SLC2A13: variants seen among roughly 807,000 people sequenced by gnomAD.
SLC2A13 encodes the protein proton myo-inositol cotransporter.
SLC2A13 carries 32 observed loss-of-function variants against 64.4 expected under a neutral mutation model. The ratio of observed to expected loss-of-function variants is 0.50; its 90% CI spans 0.37 to 0.67. SLC2A13 has a LOEUF of 0.67. Among genes scored for constraint, SLC2A13 ranks in the 30% least tolerant of loss-of-function variants. SLC2A13 has a pLI of 0.00. For synonymous variants in SLC2A13, 338 were observed against 327.1 expected, an observed-to-expected ratio of 1.03 and a Z score of -0.36; for missense variants, 743 against 829.2, an observed-to-expected ratio of 0.90 and a Z score of 1.28.
intron 6 of SLC2A13, among the ~76,000 whole-genome samples, chr12:39,852,544 T>C (rs1042098379): frequency 1.3e-5 from 2 of 152,204 alleles, no homozygotes; most frequent in African/African-American, 4.8e-5. Context: ...GTACCAATCA[T>C]TTTTTCTTGG....
intron 4 of SLC2A13, among the ~76,000 whole-genome samples, chr12:39,875,917 G>A (rs532565901): frequency 6.6e-6 from 1 of 152,282 alleles, no homozygotes; most frequent in African/African-American, 2.4e-5. Context: ...TCAAGGGACT[G>A]TATTCATTCA....
Position 39,775,891 on chromosome 12 carries a change from C to G in SLC2A13, c.1446-11033G>C, listed in dbSNP as rs1027493125. Among the ~76,000 whole-genome samples, 4 of 152,216 alleles carry G rather than the reference C, an allele frequency of 2.6e-5. No homozygotes were observed. In the East Asian group the frequency reaches 7.7e-4, roughly 29 times the overall value. ...ATTTTCATTATGCTTACTGGTTGAG[C>G]ACCCCTAATCTGAAATCCAAAATGC... On this transcript the variant is annotated intron_variant, in intron 7 of 9. Transcript: ENST00000280871.
intron 1 of SLC2A13, among the ~76,000 whole-genome samples, chr12:40,048,869 CT>C (rs1386964577): frequency 6.6e-6 from 1 of 152,052 alleles, no homozygotes; most frequent in Non-Finnish European, 1.5e-5. Context: ...ACTCATGTGA[CT>C]TTTTTCTTTA....
At chr12:39,857,039 G>A (rs1943627734) in intron 6 of SLC2A13, among the ~76,000 whole-genome samples, 1 of 152,144 alleles carries the variant, frequency 6.6e-6, no homozygotes, top group Non-Finnish European at 1.5e-5. Context: ...CTTGAAACAG[G>A]AATAAAACTC....
intron 3 of SLC2A13, among the ~76,000 whole-genome samples, chr12:40,013,977 T>C (rs1429661105): frequency 6.6e-6 from 1 of 152,238 alleles, no homozygotes; most frequent in Admixed American, 6.5e-5. Flanking sequence ...TATATGTATA[T>C]GTTATTTGTA....
At chr12:39,962,326 G>T (rs1946428542) in intron 3 of SLC2A13, among the ~76,000 whole-genome samples, 1 of 152,046 alleles carries the variant, frequency 6.6e-6, no homozygotes, top group African/African-American at 2.4e-5. Context: ...CCTAACCTCA[G>T]GTGATACGCC....
In SLC2A13 at chr12:40,028,504, A is replaced by T; in HGVS notation, c.722T>A (p.Met241Lys). The T allele has an allele frequency of 6.2e-7, 1 of 1,613,074 alleles. No homozygotes were observed. The highest frequency in any genetic ancestry group is 8.5e-7 in the Non-Finnish European group (1 of 1,179,696). ...CGCCGGAACTGCTGCAAGTCCCAAC[A>T]TGTACCTGCAAAGAAAAAAAATCCA... ...SYLQKDGWRY[M>K]LGLAAVPAVI... The change falls in exon 3 of 10, where the codon ATG becomes AAG. Residue 241 changes from methionine (M) to lysine (K), a missense_variant. Physicochemically the swap from Met to Lys is moderately conservative, Grantham distance 95. Transcript: ENST00000280871.
Position 40,106,047 on chromosome 12 carries a change from C to T in SLC2A13, c.-239G>A. 1 of 379,422 alleles carries T rather than the reference C, an allele frequency of 2.6e-6. No individual in the cohort carries two copies. The highest frequency in any genetic ancestry group is 4.5e-6 in the Non-Finnish European group (1 of 220,942). 23.5% of individuals were successfully genotyped at this position (379,422 alleles called of 1,614,324 possible). A position where few individuals can be genotyped will look rare whatever the true frequency, so the allele number is the denominator to read the frequency against. On this transcript the variant is annotated 5_prime_UTR_variant, in exon 1 of 10. Transcript: ENST00000280871. The stretch of plus-strand genomic sequence containing the variant: ...CGGCGGGTCTCACTCCACACTCACG[C>T]CCCGCGCCTGCCGAGCTGGCGCTGC...
At chr12:39,806,790 A>T (rs907705288) in intron 7 of SLC2A13, among the ~76,000 whole-genome samples, 3 of 152,236 alleles carry the variant, frequency 2.0e-5, no homozygotes, top group African/African-American at 7.2e-5. Flanking sequence ...AAGACAGTCG[A>T]AAATAAATTT....
intron 1 of SLC2A13, among the ~76,000 whole-genome samples, chr12:40,067,604 C>A (rs1937784232): frequency 1.3e-5 from 2 of 152,068 alleles, no homozygotes; most frequent in Admixed American, 6.6e-5. Flanking sequence ...TAATATCATT[C>A]TGCTGTCTCC....
intron 1 of SLC2A13, among the ~76,000 whole-genome samples, chr12:40,069,163 T>C (rs1937859592): frequency 6.6e-6 from 1 of 151,942 alleles, no homozygotes; most frequent in African/African-American, 2.4e-5. Flanking sequence ...TCTGTTGAAA[T>C]GAAGGAGTGA....
Position 39,998,226 on chromosome 12 carries a change from C to A in SLC2A13, c.925+30075G>T, listed in dbSNP as rs150617438. On this transcript the variant is annotated intron_variant, in intron 3 of 9. Transcript: ENST00000280871. ...TAAAAAGGAATAAATTAGTGGCATT[C>A]ACAGCAACCTGCAGGAGACTGGAAA... Among the ~76,000 whole-genome samples, 655 of 152,254 alleles carry A rather than the reference C, an allele frequency of 4.3e-3. 8 individuals are homozygous for A. Among genetic ancestry groups the A allele is most frequent in the African/African-American group, 0.015 (619 of 41,544 alleles).
chr12:39,997,417 A>T (rs1002818990), intron 3 of SLC2A13, among the ~76,000 whole-genome samples: 3 of 152,108 alleles, frequency 2.0e-5, no homozygotes, highest in African/African-American at 7.2e-5. Context: ...ACCTAAGACA[A>T]TTCTCAAAAG....
intron 3 of SLC2A13, among the ~76,000 whole-genome samples, chr12:39,968,044 T>C (rs1383040066): frequency 6.6e-6 from 1 of 152,298 alleles, no homozygotes; most frequent in Non-Finnish European, 1.5e-5. Flanking sequence ...CAAATTCCTA[T>C]AGCTTCCCTC....
intron 7 of SLC2A13, among the ~76,000 whole-genome samples, chr12:39,783,063 T>A (rs1357191299): frequency 6.6e-6 from 1 of 152,090 alleles, no homozygotes; most frequent in Admixed American, 6.5e-5. Context: ...ATGTTCCCCA[T>A]CCTGTGTCCA....
intron 3 of SLC2A13, among the ~76,000 whole-genome samples, chr12:39,967,239 G>T (rs1946535438): frequency 6.6e-6 from 1 of 152,124 alleles, no homozygotes; most frequent in Admixed American, 6.5e-5. Context: ...GATTAAATCT[G>T]TTATGCATAT....
intron 4 of SLC2A13, among the ~76,000 whole-genome samples, chr12:39,915,359 A>G (rs1382257740): frequency 6.6e-6 from 1 of 152,024 alleles, no homozygotes; most frequent in Non-Finnish European, 1.5e-5. Flanking sequence ...CAGTGGCAGG[A>G]AAAGATTAAA....
intron 4 of SLC2A13, among the ~76,000 whole-genome samples, chr12:39,882,501 G>A (rs75036080): frequency 0.034 from 5,225 of 152,146 alleles, 238 homozygotes; most frequent in East Asian, 0.24. Context: ...AAAGGGTCTC[G>A]AGAAAAACAA....
chr12:39,994,387 A>C (rs1307750775), intron 3 of SLC2A13, among the ~76,000 whole-genome samples: 3 of 151,602 alleles, frequency 2.0e-5, no homozygotes, highest in Non-Finnish European at 4.4e-5. Flanking sequence ...CATCTCAAAA[A>C]AAAAAAAAAC....
Sources: allele counts gnomAD v4.1 joint callset (sites outside exome capture counted in the v4.1 genomes callset), GRCh38; gene constraint gnomAD v4.1.1; transcripts MANE v1.5; gene names NCBI Gene and HGNC (gene_info 2026-07-23, HGNC 2026-07-21).